The following NLGN1 variants were observed in gnomAD, a reference collection of about 807,000 sequenced individuals.
The protein encoded by NLGN1 is neuroligin-1.
Under a neutral mutation model 65.5 loss-of-function variants are expected in NLGN1, and 12 were observed. The ratio of observed to expected loss-of-function variants is 0.18; its 90% CI spans 0.12 to 0.30. The LOEUF (loss-of-function observed/expected upper bound fraction) is 0.30, where lower values mean the gene tolerates loss of function less well. Ranked by LOEUF, NLGN1 falls within the 10% of genes least tolerant of loss-of-function variation. NLGN1 has a pLI of 1.00. For synonymous variants in NLGN1, 350 were observed against 359.5 expected (o/e 0.97, Z 0.30); for missense variants, 750 against 1,007.1 (o/e 0.74, Z 3.46).
At position 173,893,475 on chromosome 3, in the gene NLGN1, A is replaced by G. The variant is rs148830508; in HGVS notation, c.646+85643A>G. Among the ~76,000 whole-genome samples the G allele has an allele frequency of 3.9e-5, 6 of 152,292 alleles. No individual in the cohort carries two copies. The East Asian group carries it at 1.2e-3, about 29-fold the overall frequency. Reference sequence around the variant, plus strand: ...GCCATATGATATAATCCAAGTAAAGAGTTTAATAAAATAGCACACACGTAT... The same window carrying G: ...GCCATATGATATAATCCAAGTAAAGGGTTTAATAAAATAGCACACACGTAT... On this transcript the variant is annotated intron_variant, in intron 4 of 6. Transcript: ENST00000457714.
chr3:173,453,650 A>G (rs1722015955), intron 2 of NLGN1, among the ~76,000 whole-genome samples: 1 of 152,224 alleles, frequency 6.6e-6, no homozygotes, highest in African/African-American at 2.4e-5. Context: ...ATCCATAAGA[A>G]GGAACTCCTC....
intron 3 of NLGN1, among the ~76,000 whole-genome samples, chr3:173,743,156 C>T (rs1774898721): frequency 6.6e-6 from 1 of 152,152 alleles, no homozygotes; most frequent in South Asian, 2.1e-4. Flanking sequence ...CTTAAAGACT[C>T]ATAATAAACT....
At position 174,061,900 on chromosome 3, in the gene NLGN1, T is replaced by C. The variant is rs75066838; in HGVS notation, c.647-213415T>C. ...ATTGCATGTCTCACAAGCTTACATA[T>C]GGAGTGAGATAATTTCTTCTTTAAA... On this transcript the variant is annotated intron_variant, in intron 4 of 6. Coordinates refer to ENST00000457714, the Ensembl canonical transcript of NLGN1. 6.2e-3 allele frequency among the ~76,000 whole-genome samples: 943 copies of C among 152,220 alleles called. 23 individuals are homozygous for C. The highest frequency in any genetic ancestry group is 0.037 in the East Asian group (190 of 5,164).
chr3:173,616,675 A>G (rs1006715404), intron 3 of NLGN1, among the ~76,000 whole-genome samples: 1 of 152,060 alleles, frequency 6.6e-6, no homozygotes, highest in African/African-American at 2.4e-5. Context: ...TCCCTGGTGC[A>G]CGCTCTCCTT....
intron 4 of NLGN1, among the ~76,000 whole-genome samples, chr3:174,176,775 A>G (rs73035673): frequency 0.015 from 2,291 of 152,174 alleles, 58 homozygotes; most frequent in African/African-American, 0.052. Context: ...GTATGCAACA[A>G]CGCAAACACT....
At chr3:173,691,667 T>TATG (rs201624959) in intron 3 of NLGN1, among the ~76,000 whole-genome samples, 1,610 of 152,202 alleles carry the variant, frequency 0.011, 33 homozygotes, top group African/African-American at 0.036. Flanking sequence ...TGAGATCATA[T>TATG]ATGAAGTCAG....
rs749749824 is a variant in NLGN1 at position 173,747,801 on chromosome 3, C to CTTTTTTTTTTTTTTTTTTTTTTT, written c.494-59871_494-59849dup. Among the ~76,000 whole-genome samples the CTTTTTTTTTTTTTTTTTTTTTTT allele has an allele frequency of 2.3e-4, 15 of 64,426 alleles. 3 individuals are homozygous for CTTTTTTTTTTTTTTTTTTTTTTT. Among genetic ancestry groups the CTTTTTTTTTTTTTTTTTTTTTTT allele is most frequent in the African/African-American group, 8.7e-4 (14 of 16,100 alleles). 42.3% of individuals were successfully genotyped at this position (64,426 alleles called of 152,430 possible). ...AATTTTCTTTCTTCTTCTTCTTGTT[C>CTTTTTTTTTTTTTTTTTTTTTTT]TTTTTTTTTTTTTTTTTTTTTTTTT... On this transcript the variant is annotated intron_variant, in intron 3 of 6. Transcript: ENST00000457714.
chr3:173,777,093 A>G (rs1487239727), intron 3 of NLGN1, among the ~76,000 whole-genome samples: 1 of 151,966 alleles, frequency 6.6e-6, no homozygotes, highest in Non-Finnish European at 1.5e-5. Context: ...AAGTTATTTC[A>G]TCTTTCTAGA....
chr3:173,698,256 C>T (rs76040879), intron 3 of NLGN1, among the ~76,000 whole-genome samples: 4,228 of 151,936 alleles, frequency 0.028, 84 homozygotes, highest in Middle Eastern at 0.048. Context: ...GTATTTTTTC[C>T]AAGAATTAGA....
chr3:173,814,287 A>G (rs1718581452), intron 4 of NLGN1, among the ~76,000 whole-genome samples: 1 of 152,260 alleles, frequency 6.6e-6, no homozygotes, highest in Non-Finnish European at 1.5e-5. Flanking sequence ...AATACAATTT[A>G]GAGCAATGGA....
intron 2 of NLGN1, among the ~76,000 whole-genome samples, chr3:173,436,203 G>T (rs2148770424): frequency 6.6e-6 from 1 of 152,288 alleles, no homozygotes; most frequent in Non-Finnish European, 1.5e-5. Flanking sequence ...AGTTTTAAAT[G>T]ACCAGCATTA....
intron 4 of NLGN1, among the ~76,000 whole-genome samples, chr3:174,272,503 A>G (rs1165877087): frequency 1.3e-5 from 2 of 151,716 alleles, no homozygotes; most frequent in African/African-American, 2.4e-5. Context: ...ATGCAAGTAT[A>G]TATCTCTCTA....
intron 2 of NLGN1, among the ~76,000 whole-genome samples, chr3:173,451,578 C>T (rs886232574): frequency 6.6e-6 from 1 of 152,186 alleles, no homozygotes; most frequent in African/African-American, 2.4e-5. Context: ...CCACTACTCT[C>T]TTCAAAGCTG....
At chr3:173,563,863 C>T (rs1743193202) in intron 2 of NLGN1, among the ~76,000 whole-genome samples, 1 of 152,210 alleles carries the variant, frequency 6.6e-6, no homozygotes, top group Non-Finnish European at 1.5e-5. Context: ...CTTTGTCCCT[C>T]TACAACCAGT....
At chr3:173,625,435 A>G (rs914207151) in intron 3 of NLGN1, among the ~76,000 whole-genome samples, 6 of 152,112 alleles carry the variant, frequency 3.9e-5, no homozygotes, top group African/African-American at 1.4e-4. Flanking sequence ...AGTTGACTGT[A>G]CTAAATTTGT....
chr3:173,661,823 C>T (rs1760971805), intron 3 of NLGN1, among the ~76,000 whole-genome samples: 1 of 151,918 alleles, frequency 6.6e-6, no homozygotes, highest in Non-Finnish European at 1.5e-5. Flanking sequence ...ATAAGTTTAC[C>T]CATATCGTTA....
chr3:173,561,434 C>T (rs1468331301), intron 2 of NLGN1, among the ~76,000 whole-genome samples: 1 of 152,106 alleles, frequency 6.6e-6, no homozygotes, highest in Non-Finnish European at 1.5e-5. Flanking sequence ...TACAAAATCC[C>T]ATCCCGAAGC....
At chr3:174,227,182 G>A (rs886424654) in intron 4 of NLGN1, among the ~76,000 whole-genome samples, 4 of 152,078 alleles carry the variant, frequency 2.6e-5, no homozygotes, top group African/African-American at 9.7e-5. Flanking sequence ...AAAACACAAA[G>A]CCATGTTTAT....
intron 4 of NLGN1, among the ~76,000 whole-genome samples, chr3:174,133,452 T>C (rs1016327665): frequency 4.6e-5 from 7 of 152,174 alleles, no homozygotes; most frequent in African/African-American, 1.4e-4. Flanking sequence ...AGAAATTCAG[T>C]ATTAATTAAC....
Sources: gnomAD v4.1 joint callset for allele counts (sites outside exome capture counted in the v4.1 genomes callset) on GRCh38, gnomAD v4.1.1 for gene constraint, MANE v1.5 for transcripts, NCBI Gene and HGNC (gene_info 2026-07-23, HGNC 2026-07-21) for gene names.